CNTNAP2: variants seen among roughly 807,000 people sequenced by gnomAD.
CNTNAP2 encodes the protein contactin associated protein 2, also known as contactin-associated protein-like 2.
In CNTNAP2, 98 loss-of-function variants were observed where a neutral mutation model predicts 155.2. The observed-to-expected ratio is 0.63, with a 90% CI of 0.54 to 0.75. The LOEUF (loss-of-function observed/expected upper bound fraction) is 0.75. CNTNAP2 is among the 30% of genes least tolerant of loss of function. The pLI, the probability that CNTNAP2 is intolerant of heterozygous loss-of-function variation, is 0.00. For synonymous variants in CNTNAP2, 651 were observed against 631.2 expected (o/e 1.03, Z -0.47); for missense variants, 1,727 against 1,688.1 (o/e 1.02, Z -0.40).
intron 15 of CNTNAP2, among the ~76,000 whole-genome samples, chr7:148,108,146 T>C (rs1804264010): frequency 6.6e-6 from 1 of 152,210 alleles, no homozygotes; most frequent in African/African-American, 2.4e-5. Flanking sequence ...CCTCTACTTC[T>C]CATCACCTGT....
intron 7 of CNTNAP2, among the ~76,000 whole-genome samples, chr7:147,130,743 C>G (rs1178920068): frequency 6.6e-6 from 1 of 152,004 alleles, no homozygotes; most frequent in Non-Finnish European, 1.5e-5. Flanking sequence ...CCTCTTCCCC[C>G]ACATACTCAT....
intron 1 of CNTNAP2, among the ~76,000 whole-genome samples, chr7:146,287,397 G>A (rs2129085966): frequency 6.6e-6 from 1 of 152,276 alleles, no homozygotes; most frequent in East Asian, 1.9e-4. Context: ...GTGCTGAGAG[G>A]CAGATAAGCC....
chr7:146,448,484 C>G (rs983835565), intron 1 of CNTNAP2, among the ~76,000 whole-genome samples: 18 of 150,484 alleles, frequency 1.2e-4, no homozygotes, highest in Non-Finnish European at 1.8e-4. Context: ...TTGCTCTGTT[C>G]TCATATTTTA....
chr7:146,362,417 C>T (rs1440943340), intron 1 of CNTNAP2, among the ~76,000 whole-genome samples: 2 of 152,120 alleles, frequency 1.3e-5, no homozygotes, highest in Non-Finnish European at 2.9e-5. Context: ...CAGATGAAGT[C>T]GCCATTGAGC....
chr7:146,495,917 G>C (rs146567822), intron 1 of CNTNAP2, among the ~76,000 whole-genome samples: 2 of 152,126 alleles, frequency 1.3e-5, no homozygotes, highest in African/African-American at 4.8e-5. Context: ...CAAAAAAAGA[G>C]GAAAATGAGC....
At chr7:146,985,545 C>T (rs570411069) in intron 3 of CNTNAP2, among the ~76,000 whole-genome samples, 1 of 152,072 alleles carries the variant, frequency 6.6e-6, no homozygotes, top group South Asian at 2.1e-4. Context: ...TGGTCTCGAT[C>T]TCCTGACCTC....
intron 1 of CNTNAP2, among the ~76,000 whole-genome samples, chr7:146,542,743 C>A (rs1231179986): frequency 2.0e-5 from 3 of 151,950 alleles, no homozygotes; most frequent in Non-Finnish European, 2.9e-5. Flanking sequence ...AAGTAAAAAT[C>A]ATCTAGGTTA....
intron 3 of CNTNAP2, among the ~76,000 whole-genome samples, chr7:146,991,991 T>G (rs1798216802): frequency 6.6e-6 from 1 of 152,142 alleles, no homozygotes; most frequent in Non-Finnish European, 1.5e-5. Flanking sequence ...CAAACACTAT[T>G]CATTTCAAGG....
intron 1 of CNTNAP2, among the ~76,000 whole-genome samples, chr7:146,587,562 C>A (rs1798713095): frequency 6.6e-6 from 1 of 152,100 alleles, no homozygotes; most frequent in Non-Finnish European, 1.5e-5. Flanking sequence ...GGAATACCAC[C>A]ACAAACACAC....
In CNTNAP2 at chr7:147,890,595, G is replaced by A. The variant is rs555820026; in HGVS notation, c.2099-12970G>A. 7.2e-5 allele frequency among the ~76,000 whole-genome samples: 11 copies of A among 152,268 alleles called. No individual in the cohort carries two copies. The South Asian group carries it at 1.7e-3, about 23-fold the overall frequency. Reference sequence around the variant, plus strand: ...GCCCAGATGTGGAATCAACCCAAGCGTCCATGAATGGATGAATGGATAAAG... The same window carrying A: ...GCCCAGATGTGGAATCAACCCAAGCATCCATGAATGGATGAATGGATAAAG... On this transcript the variant is annotated intron_variant, in intron 13 of 23. Coordinates refer to ENST00000361727, the MANE Select transcript of CNTNAP2 (RefSeq NM_014141.6).
At chr7:148,260,017 CT>C (rs1049605823) in intron 20 of CNTNAP2, among the ~76,000 whole-genome samples, 36 of 152,274 alleles carry the variant, frequency 2.4e-4, no homozygotes, top group Non-Finnish European at 4.6e-4. Flanking sequence ...TACAAAAGAG[CT>C]CACTTGGACC....
intron 13 of CNTNAP2, among the ~76,000 whole-genome samples, chr7:147,861,891 G>A (rs1407372229): frequency 1.3e-5 from 2 of 151,080 alleles, no homozygotes; most frequent in African/African-American, 2.4e-5. Flanking sequence ...TGGTGTACTC[G>A]GGAGGCTAAG....
chr7:147,193,967 TA>T (rs1310122310), intron 8 of CNTNAP2, among the ~76,000 whole-genome samples: 3 of 150,444 alleles, frequency 2.0e-5, no homozygotes, highest in Non-Finnish European at 3.0e-5. Context: ...TTTTTTCTTC[TA>T]AAAAAAAGTG....
At chr7:146,910,620 G>A (rs977009348) in intron 3 of CNTNAP2, among the ~76,000 whole-genome samples, 1 of 150,692 alleles carries the variant, frequency 6.6e-6, no homozygotes, top group African/African-American at 2.5e-5. Context: ...AGCTGAAACT[G>A]GATCCCTTCC....
chr7:147,049,694 G>A (rs1288357334), intron 4 of CNTNAP2, among the ~76,000 whole-genome samples: 1 of 152,184 alleles, frequency 6.6e-6, no homozygotes, highest in Non-Finnish European at 1.5e-5. Flanking sequence ...CTGAAAGGGT[G>A]TACCTGGGAT....
intron 12 of CNTNAP2, among the ~76,000 whole-genome samples, chr7:147,582,677 A>T (rs2051874): frequency 0.69 from 104,479 of 151,516 alleles, 36,564 homozygotes; most frequent in African/African-American, 0.81. Context: ...CAAAATAGTG[A>T]ATATATTTAT....
intron 21 of CNTNAP2, among the ~76,000 whole-genome samples, chr7:148,364,774 T>C (rs546081974): frequency 6.6e-6 from 1 of 152,158 alleles, no homozygotes; most frequent in African/African-American, 2.4e-5. Context: ...GATAAGAGAA[T>C]AAAAGCAGGC....
chr7:146,784,432 C>G (rs1802540112), intron 2 of CNTNAP2, among the ~76,000 whole-genome samples: 2 of 152,140 alleles, frequency 1.3e-5, no homozygotes, highest in Admixed American at 1.3e-4. Context: ...ATACTGAAAA[C>G]TATCCTATTT....
At chr7:147,287,100 G>A (rs944860940) in intron 8 of CNTNAP2, among the ~76,000 whole-genome samples, 2 of 152,044 alleles carry the variant, frequency 1.3e-5, no homozygotes, top group African/African-American at 2.4e-5. Context: ...TTGCAGTGGC[G>A]GAGACTACGC....
Sources: gnomAD v4.1 joint callset for allele counts (sites outside exome capture counted in the v4.1 genomes callset) on GRCh38, gnomAD v4.1.1 for gene constraint, MANE v1.5 for transcripts, NCBI Gene and HGNC (gene_info 2026-07-23, HGNC 2026-07-21) for gene names.